The following NALCN variants were observed in gnomAD, a reference collection of about 807,000 sequenced individuals.
The protein encoded by NALCN is sodium leak channel NALCN.
Under a neutral mutation model 225.3 loss-of-function variants are expected in NALCN, and 111 were observed. The ratio of observed to expected loss-of-function variants is 0.49; its 90% CI spans 0.42 to 0.58. NALCN has a LOEUF of 0.58. NALCN is among the 20% of genes least tolerant of loss of function. NALCN has a pLI of 0.00. For synonymous variants in NALCN, 764 were observed against 769.0 expected (o/e 0.99, Z 0.11); for missense variants, 1,378 against 2,202.4 (o/e 0.63, Z 7.49).
intron 7 of NALCN, among the ~76,000 whole-genome samples, chr13:101,338,978 C>T (rs2045472450): frequency 6.6e-6 from 1 of 152,168 alleles, no homozygotes; most frequent in Admixed American, 6.5e-5. Context: ...TGTATGACTG[C>T]ATTATCTGTT....
At chr13:101,105,847 C>T (rs588253) in intron 22 of NALCN, among the ~76,000 whole-genome samples, 1,882 of 152,232 alleles carry the variant, frequency 0.012, 29 homozygotes, top group Non-Finnish European at 0.018. Context: ...AACTTCTGCA[C>T]GCTTAAATGT....
intron 6 of NALCN, among the ~76,000 whole-genome samples, chr13:101,358,020 C>T (rs1383430386): frequency 1.3e-5 from 2 of 152,072 alleles, no homozygotes; most frequent in Admixed American, 1.3e-4. Flanking sequence ...ATACCTTAGA[C>T]AAAAATTAAA....
rs1566539326 is a variant in NALCN at position 101,291,983 on chromosome 13, A to G, written c.1047+7T>C. 6.2e-7 allele frequency: 1 copy of G among 1,613,828 alleles called. No individual in the cohort carries two copies. The highest frequency in any genetic ancestry group is 8.5e-7 in the Non-Finnish European group (1 of 1,179,818). On this transcript the variant is annotated splice_region_variant and intron_variant, in intron 9 of 43. Coordinates refer to ENST00000251127, the MANE Select transcript of NALCN (RefSeq NM_052867.4). The stretch of plus-strand genomic sequence containing the variant: ...TGGGTTATAACATCCTCTTGCTGAT[A>G]GCGTACCTGGGTGGTGGCTGTTGAG...
At chr13:101,361,212 A>G (rs1046605064) in intron 6 of NALCN, among the ~76,000 whole-genome samples, 3 of 152,114 alleles carry the variant, frequency 2.0e-5, no homozygotes, top group African/African-American at 7.2e-5. Flanking sequence ...GGTTTCTATC[A>G]TGGGGAAAAC....
At chr13:101,268,174 G>C (rs2042658504) in intron 10 of NALCN, among the ~76,000 whole-genome samples, 1 of 152,198 alleles carries the variant, frequency 6.6e-6, no homozygotes, top group Admixed American at 6.5e-5. Context: ...TGTATGACAT[G>C]TATGTATGTA....
chr13:101,171,965 G>A (rs2038743631), intron 15 of NALCN, among the ~76,000 whole-genome samples: 1 of 152,138 alleles, frequency 6.6e-6, no homozygotes, highest in East Asian at 1.9e-4. Context: ...AGAATTTTCA[G>A]GTTTCCAGCT....
At chr13:101,365,200 C>T (rs2046348563) in intron 6 of NALCN, among the ~76,000 whole-genome samples, 1 of 152,124 alleles carries the variant, frequency 6.6e-6, no homozygotes, top group Admixed American at 6.6e-5. Context: ...TTCCTCTCAT[C>T]CTCCACCCTC....
intron 26 of NALCN, among the ~76,000 whole-genome samples, chr13:101,101,131 T>A (rs1044320758): frequency 1.3e-5 from 2 of 152,198 alleles, no homozygotes; most frequent in African/African-American, 4.8e-5. Flanking sequence ...GAAAATGGAA[T>A]AAGGTATTTT....
chr13:101,341,931 A>G (rs377411598), intron 7 of NALCN, among the ~76,000 whole-genome samples: 5 of 152,222 alleles, frequency 3.3e-5, no homozygotes, highest in African/African-American at 1.2e-4. Flanking sequence ...TACTGCTTCT[A>G]CTACGTGAGG....
chr13:101,309,810 A>G (rs2044276809), intron 7 of NALCN, among the ~76,000 whole-genome samples: 1 of 152,172 alleles, frequency 6.6e-6, no homozygotes, highest in South Asian at 2.1e-4. Context: ...TTATTCAATC[A>G]TGTTTTCTGT....
At chr13:101,178,815 G>A (rs925764589) in intron 14 of NALCN, among the ~76,000 whole-genome samples, 18 of 152,272 alleles carry the variant, frequency 1.2e-4, no homozygotes, top group African/African-American at 3.4e-4. Flanking sequence ...TATGGAAAGC[G>A]GTGATATAAA....
intron 6 of NALCN, among the ~76,000 whole-genome samples, chr13:101,359,324 T>C (rs2046156279): frequency 6.6e-6 from 1 of 152,208 alleles, no homozygotes; most frequent in East Asian, 1.9e-4. Context: ...GCTTGCTCCC[T>C]AGGGTGCTAA....
chr13:101,328,960 C>T (rs193239455), intron 7 of NALCN, among the ~76,000 whole-genome samples: 2 of 152,252 alleles, frequency 1.3e-5, no homozygotes, highest in East Asian at 1.9e-4. Context: ...CTGTCTCTGT[C>T]CCCTAAGAGC....
At chr13:101,379,090 G>T (rs536442669) in intron 3 of NALCN, among the ~76,000 whole-genome samples, 2 of 152,188 alleles carry the variant, frequency 1.3e-5, no homozygotes, top group South Asian at 4.1e-4. Context: ...TTCACTTCAA[G>T]CTGATTAAAA....
At chr13:101,073,859 C>T (rs1382230872) in intron 36 of NALCN, among the ~76,000 whole-genome samples, 182 bp from the exon 37 acceptor site, 2 of 152,138 alleles carry the variant, frequency 1.3e-5, no homozygotes, top group Non-Finnish European at 2.9e-5. Flanking sequence ...GTATAGCCGT[C>T]TGAACACCCA....
At chr13:101,219,901 G>C (rs927207463) in intron 13 of NALCN, among the ~76,000 whole-genome samples, 1 of 152,154 alleles carries the variant, frequency 6.6e-6, no homozygotes, top group African/African-American at 2.4e-5. Context: ...CTTACTATGT[G>C]TAAGTAGGGC....
chr13:101,119,105 G>A (rs1274549942), intron 18 of NALCN, among the ~76,000 whole-genome samples: 2 of 152,038 alleles, frequency 1.3e-5, no homozygotes, highest in East Asian at 1.9e-4. Flanking sequence ...GATATTTCTC[G>A]AATGAATGCG....
At chr13:101,096,000 C>T (rs1176299544) in intron 27 of NALCN, among the ~76,000 whole-genome samples, 1 of 152,092 alleles carries the variant, frequency 6.6e-6, no homozygotes, top group Non-Finnish European at 1.5e-5. Flanking sequence ...CAAATCAAAA[C>T]CATAATGATA....
chr13:101,364,220 G>T (rs2046323370), intron 6 of NALCN, among the ~76,000 whole-genome samples: 1 of 152,078 alleles, frequency 6.6e-6, no homozygotes, highest in Non-Finnish European at 1.5e-5. Context: ...TCACTATTGG[G>T]TATATATCCA....
Sources: gnomAD v4.1 joint callset for allele counts (sites outside exome capture counted in the v4.1 genomes callset) on GRCh38, gnomAD v4.1.1 for gene constraint, MANE v1.5 for transcripts, NCBI Gene and HGNC (gene_info 2026-07-23, HGNC 2026-07-21) for gene names.